Variants in SNTB1 observed in about 807,000 individuals in gnomAD.
SNTB1 encodes beta-1-syntrophin.
Under a neutral mutation model 48.9 loss-of-function variants are expected in SNTB1, and 36 were observed. The ratio of observed to expected loss-of-function variants is 0.74; its 90% confidence interval spans 0.56 to 0.97. SNTB1 has a LOEUF of 0.97. Ranked by LOEUF, SNTB1 falls within the 50% of genes least tolerant of loss-of-function variation. The pLI, the probability that SNTB1 is intolerant of heterozygous loss-of-function variation, is 0.00. For missense variants in SNTB1, 786 were observed against 703.4 expected (o/e 1.12, Z -1.33); for synonymous variants, 299 against 294.6 (o/e 1.01, Z -0.15).
At chr8:120,790,200 C>T (rs551397365) in intron 1 of SNTB1, among the ~76,000 whole-genome samples, 2 of 151,862 alleles carry the variant, frequency 1.3e-5, no homozygotes, top group South Asian at 4.2e-4. Context: ...TTTTATGATA[C>T]AAACCATCAA....
chr8:120,644,679 G>T (rs1817254418), intron 2 of SNTB1, among the ~76,000 whole-genome samples: 1 of 151,842 alleles, frequency 6.6e-6, no homozygotes, highest in Non-Finnish European at 1.5e-5. Context: ...TATATACCCA[G>T]TAATGGGATG....
chr8:120,742,037 A>T (rs1819049607), intron 1 of SNTB1, among the ~76,000 whole-genome samples: 2 of 152,348 alleles, frequency 1.3e-5, no homozygotes, highest in African/African-American at 2.4e-5. Flanking sequence ...AAGTTGAGGA[A>T]GTAAAAGTTT....
At chr8:120,614,933 G>T (rs1004786389) in intron 3 of SNTB1, among the ~76,000 whole-genome samples, 7 of 133,350 alleles carry the variant, frequency 5.2e-5, no homozygotes, top group Non-Finnish European at 7.6e-5. Flanking sequence ...GAGGTCAGGA[G>T]ATTGAAACCA....
At chr8:120,597,117 T>G (rs1425823042) in intron 3 of SNTB1, among the ~76,000 whole-genome samples, 1 of 152,072 alleles carries the variant, frequency 6.6e-6, no homozygotes, top group Non-Finnish European at 1.5e-5. Flanking sequence ...ACATTTCAGA[T>G]AGATGAGCAG....
At chr8:120,780,075 T>C (rs1490082139) in intron 1 of SNTB1, among the ~76,000 whole-genome samples, 3 of 128,184 alleles carry the variant, frequency 2.3e-5, no homozygotes, top group African/African-American at 5.8e-5. Flanking sequence ...TAAGGAATGA[T>C]GATCTAGTTA....
chr8:120,640,036 T>C (rs2129666519), intron 2 of SNTB1, among the ~76,000 whole-genome samples: 1 of 152,030 alleles, frequency 6.6e-6, no homozygotes, highest in East Asian at 1.9e-4. Flanking sequence ...CATTTGTTTG[T>C]ATCCTCTTTT....
chr8:120,650,795 C>G (rs1288571293), intron 2 of SNTB1, among the ~76,000 whole-genome samples: 1 of 152,190 alleles, frequency 6.6e-6, no homozygotes, highest in Non-Finnish European at 1.5e-5. Flanking sequence ...CATTCCATTC[C>G]TGGCTGGCTG....
chr8:120,730,953 T>A (rs113557137), intron 1 of SNTB1, among the ~76,000 whole-genome samples: 1,882 of 151,808 alleles, frequency 0.012, 87 homozygotes, highest in Admixed American at 0.087. Context: ...AACCCCGGTC[T>A]CTACTAAAAA....
chr8:120,724,802 G>C (rs1312012074), intron 1 of SNTB1, among the ~76,000 whole-genome samples: 1 of 152,190 alleles, frequency 6.6e-6, no homozygotes, highest in East Asian at 1.9e-4. Context: ...TGGGGATGAG[G>C]AGAGAGGCAA....
At chr8:120,559,858 T>A (rs889630459) in intron 4 of SNTB1, among the ~76,000 whole-genome samples, 2 of 152,060 alleles carry the variant, frequency 1.3e-5, no homozygotes, top group Non-Finnish European at 2.9e-5. Flanking sequence ...ACTGGGTTGC[T>A]AAGCAATATT....
intron 3 of SNTB1, among the ~76,000 whole-genome samples, chr8:120,614,525 C>A (rs1053411372): frequency 6.6e-6 from 1 of 152,226 alleles, no homozygotes; most frequent in Non-Finnish European, 1.5e-5. Flanking sequence ...CTCTGGCCTG[C>A]CAGCTCTTGA....
chr8:120,727,913 G>A (rs555238839), intron 1 of SNTB1, among the ~76,000 whole-genome samples: 25 of 152,328 alleles, frequency 1.6e-4, no homozygotes, highest in Admixed American at 7.2e-4. Context: ...TCCTAGGCAA[G>A]TCTTTCTGAG....
At chr8:120,589,130 C>G (rs957598352) in intron 3 of SNTB1, among the ~76,000 whole-genome samples, 1 of 152,134 alleles carries the variant, frequency 6.6e-6, no homozygotes, top group Non-Finnish European at 1.5e-5. Flanking sequence ...TTTATACACC[C>G]TCTTTTGAGG....
chr8:120,752,645 C>A (rs1003685658), intron 1 of SNTB1, among the ~76,000 whole-genome samples: 1 of 152,146 alleles, frequency 6.6e-6, no homozygotes, highest in Non-Finnish European at 1.5e-5. Context: ...AAATCATGTT[C>A]TTTGTAGCAA....
At chr8:120,639,691 A>T (rs988058178) in intron 2 of SNTB1, among the ~76,000 whole-genome samples, 3 of 151,968 alleles carry the variant, frequency 2.0e-5, no homozygotes, top group Non-Finnish European at 4.4e-5. Flanking sequence ...ATGGTTGTAG[A>T]TGTGTGGTAT....
intron 3 of SNTB1, among the ~76,000 whole-genome samples, chr8:120,576,729 A>G (rs1035180020): frequency 1.3e-5 from 2 of 152,240 alleles, no homozygotes; most frequent in Non-Finnish European, 2.9e-5. Context: ...GGGCAAGTCA[A>G]CTAATTTCTT....
At chr8:120,582,175 T>C (rs993565113) in intron 3 of SNTB1, among the ~76,000 whole-genome samples, 1 of 152,242 alleles carries the variant, frequency 6.6e-6, no homozygotes, top group Non-Finnish European at 1.5e-5. Flanking sequence ...GTATTCAAGT[T>C]AAACAATGTA....
intron 2 of SNTB1, among the ~76,000 whole-genome samples, chr8:120,666,908 T>G (rs560023345): frequency 6.6e-6 from 1 of 152,150 alleles, no homozygotes; most frequent in Non-Finnish European, 1.5e-5. Flanking sequence ...AATTTTTTTT[T>G]AAATTTCATG....
At chr8:120,760,641 G>C (rs555403371) in intron 1 of SNTB1, among the ~76,000 whole-genome samples, 4 of 152,210 alleles carry the variant, frequency 2.6e-5, no homozygotes, top group African/African-American at 2.4e-5. Flanking sequence ...CCTTCCTGCA[G>C]GGGAGGGGAA....
Sources: gnomAD v4.1 joint callset for allele counts (sites outside exome capture counted in the v4.1 genomes callset) on GRCh38, gnomAD v4.1.1 for gene constraint, MANE v1.5 for transcripts, NCBI Gene and HGNC (gene_info 2026-07-23, HGNC 2026-07-21) for gene names.